The following PIP4K2A variants were observed in gnomAD, a reference collection of about 807,000 sequenced individuals.
PIP4K2A encodes the protein phosphatidylinositol-5-phosphate 4-kinase type 2 alpha.
In PIP4K2A, 14 loss-of-function variants were observed where a neutral mutation model predicts 42.9. The ratio of observed to expected loss-of-function variants is 0.33; its 90% CI spans 0.22 to 0.51. The LOEUF (loss-of-function observed/expected upper bound fraction) is 0.51, where lower values mean the gene tolerates loss of function less well. Among genes scored for constraint, PIP4K2A ranks in the 20% least tolerant of loss-of-function variants. PIP4K2A has a pLI of 0.97. For missense variants in PIP4K2A, 434 were observed against 519.8 expected, an observed-to-expected ratio of 0.83 and a Z score of 1.61; for synonymous variants, 192 against 192.2, an observed-to-expected ratio of 1.00 and a Z score of 0.01.
chr10:22,565,483 T>C (rs1012230031), intron 6 of PIP4K2A, among the ~76,000 whole-genome samples: 7 of 152,238 alleles, frequency 4.6e-5, no homozygotes, highest in Non-Finnish European at 8.8e-5. Context: ...CCCCAATCAA[T>C]ACCCTTGTGC....
rs540364552 is a variant in PIP4K2A, at chr10:22,623,142, C to T, written c.145-13425G>A. 1.8e-4 allele frequency among the ~76,000 whole-genome samples: 28 copies of T among 151,826 alleles called. 1 individual carries two copies. The East Asian group carries it at 2.5e-3, about 14-fold the overall frequency. The stretch of plus-strand genomic sequence containing the variant: ...GAGTGAGAAAAGCGAGATAGAGATG[C>T]GTTTAATGTGCTACCATTGACTTTT... On this transcript the variant is annotated intron_variant, in intron 1 of 9. Coordinates refer to ENST00000376573, the MANE Select transcript of PIP4K2A (RefSeq NM_005028.5).
chr10:22,543,667 C>G (rs765348616), intron 7 of PIP4K2A, among the ~76,000 whole-genome samples: 2 of 152,214 alleles, frequency 1.3e-5, no homozygotes, highest in Non-Finnish European at 2.9e-5. Flanking sequence ...CCTAGAATCT[C>G]GGCAGCTGCC....
intron 1 of PIP4K2A, among the ~76,000 whole-genome samples, chr10:22,658,649 T>C (rs1463065308): frequency 1.3e-5 from 2 of 152,174 alleles, no homozygotes; most frequent in African/African-American, 4.8e-5. Context: ...ATTTCATCAA[T>C]CCAGTGGGAT....
At chr10:22,553,218 G>A (rs576454301) in intron 6 of PIP4K2A, among the ~76,000 whole-genome samples, 5 of 152,302 alleles carry the variant, frequency 3.3e-5, no homozygotes, top group African/African-American at 1.2e-4. Flanking sequence ...AGGCGAAGGC[G>A]GATCCTGGCA....
At chr10:22,701,937 T>C (rs1357952988) in intron 1 of PIP4K2A, among the ~76,000 whole-genome samples, 1 of 152,162 alleles carries the variant, frequency 6.6e-6, no homozygotes, top group African/African-American at 2.4e-5. Context: ...GGAAACCTTT[T>C]CTCCATAAGG....
At chr10:22,676,082 G>A (rs10828328) in intron 1 of PIP4K2A, among the ~76,000 whole-genome samples, 26,957 of 149,106 alleles carry the variant, frequency 0.18, 3,066 homozygotes, top group Non-Finnish European at 0.26. Flanking sequence ...TCATCTTTTC[G>A]GCTCCTTTTC....
chr10:22,560,443 A>C (rs1836660794), intron 6 of PIP4K2A, among the ~76,000 whole-genome samples: 1 of 152,166 alleles, frequency 6.6e-6, no homozygotes, highest in Admixed American at 6.5e-5. Flanking sequence ...AATGCTGAAA[A>C]CTGGTTTCGA....
intron 1 of PIP4K2A, among the ~76,000 whole-genome samples, chr10:22,697,415 T>TC (rs941811105): frequency 6.6e-6 from 1 of 152,106 alleles, no homozygotes. Context: ...GATGGTAACA[T>TC]CCAACATTTA....
intron 1 of PIP4K2A, among the ~76,000 whole-genome samples, chr10:22,703,515 A>G (rs949217148): frequency 6.6e-6 from 1 of 152,236 alleles, no homozygotes; most frequent in African/African-American, 2.4e-5. Context: ...GAACAGAAAA[A>G]GCGCAGGGCA....
intron 1 of PIP4K2A, among the ~76,000 whole-genome samples, chr10:22,697,026 A>G (rs538466926): frequency 6.6e-6 from 1 of 152,232 alleles, no homozygotes; most frequent in East Asian, 1.9e-4. Flanking sequence ...TGGAAATAAC[A>G]GTTTATCTAG....
intron 1 of PIP4K2A, among the ~76,000 whole-genome samples, chr10:22,663,528 A>G (rs1839249108): frequency 6.6e-6 from 1 of 152,202 alleles, no homozygotes; most frequent in Admixed American, 6.5e-5. Context: ...ATATTTGTAA[A>G]CTGACAAATG....
intron 1 of PIP4K2A, among the ~76,000 whole-genome samples, chr10:22,667,983 ACTC>A (rs1839382519): frequency 1.3e-5 from 2 of 150,340 alleles, no homozygotes; most frequent in African/African-American, 4.9e-5. Context: ...ACAGAGTCTC[ACTC>A]TATCACCCAG....
At chr10:22,665,867 T>TAC (rs1171173023) in intron 1 of PIP4K2A, among the ~76,000 whole-genome samples, 2 of 151,716 alleles carry the variant, frequency 1.3e-5, no homozygotes, top group Non-Finnish European at 1.5e-5. Context: ...TACATATATA[T>TAC]ACACACACAC....
At chr10:22,668,242 G>A (rs868399715) in intron 1 of PIP4K2A, among the ~76,000 whole-genome samples, 2 of 152,224 alleles carry the variant, frequency 1.3e-5, no homozygotes, top group African/African-American at 2.4e-5. Flanking sequence ...GAGCCACCAC[G>A]CCCAATCTTA....
chr10:22,651,948 G>C (rs1839004406), intron 1 of PIP4K2A, among the ~76,000 whole-genome samples: 1 of 152,176 alleles, frequency 6.6e-6, no homozygotes, highest in South Asian at 2.1e-4. Context: ...TGCTTTTTCA[G>C]CATTTGCAGA....
intron 1 of PIP4K2A, among the ~76,000 whole-genome samples, chr10:22,683,605 T>C (rs773123606): frequency 2.0e-5 from 3 of 152,166 alleles, no homozygotes; most frequent in Non-Finnish European, 4.4e-5. Flanking sequence ...ATTTTCTTCT[T>C]CCATTAACTT....
At chr10:22,573,906 T>C (rs1490847994) in intron 4 of PIP4K2A, among the ~76,000 whole-genome samples, 1 of 152,212 alleles carries the variant, frequency 6.6e-6, no homozygotes, top group African/African-American at 2.4e-5. Flanking sequence ...GAGGAAATTG[T>C]GGGGAGCCCA....
chr10:22,638,971 C>T (rs1005399972), intron 1 of PIP4K2A, among the ~76,000 whole-genome samples: 1 of 152,118 alleles, frequency 6.6e-6, no homozygotes, highest in African/African-American at 2.4e-5. Flanking sequence ...GCTAACAGTG[C>T]CATGACAGCA....
intron 1 of PIP4K2A, among the ~76,000 whole-genome samples, chr10:22,664,145 A>ACC (rs1254249439): frequency 1.6e-4 from 4 of 24,408 alleles, no homozygotes; most frequent in African/African-American, 1.4e-3. Context: ...ATATATACAT[A>ACC]TATATACACA....
Sources: gnomAD v4.1 joint callset for allele counts (sites outside exome capture counted in the v4.1 genomes callset) on GRCh38, gnomAD v4.1.1 for gene constraint, MANE v1.5 for transcripts, NCBI Gene and HGNC (gene_info 2026-07-23, HGNC 2026-07-21) for gene names.